Variants in MIA3 observed in about 807,000 individuals in gnomAD.
MIA3 encodes the protein MIA SH3 domain ER export factor 3.
In MIA3, 90 loss-of-function variants were observed where a neutral mutation model predicts 192.4. The ratio of observed to expected loss-of-function variants is 0.47; its 90% CI spans 0.39 to 0.56. The LOEUF (loss-of-function observed/expected upper bound fraction) is 0.56, where lower values mean the gene tolerates loss of function less well. MIA3 is among the 20% of genes least tolerant of loss of function. The pLI is 0.00. For missense variants in MIA3, 2,123 were observed against 2,269.4 expected (o/e 0.94, Z 1.31); for synonymous variants, 740 against 792.8 (o/e 0.93, Z 1.12).
intron 6 of MIA3, chr1:222,644,545 T>C (rs1391405409): frequency 2.6e-6 from 4 of 1,550,616 alleles, no homozygotes; most frequent in Non-Finnish European, 3.5e-6. Flanking sequence ...TGTGGGACCC[T>C]TGTCTGTGCT....
At chr1:222,621,401 C>G in intron 2 of MIA3, 109 bp downstream of exon 2, 1 of 1,087,008 alleles carries the variant, frequency 9.2e-7, no homozygotes, top group Non-Finnish European at 1.3e-6. Context: ...GTTAACTTGT[C>G]CTCTCTGCCT....
Position 222,629,003 on chromosome 1 carries a change from G to A in MIA3, c.1783G>A (p.Val595Met), listed in dbSNP as rs765825012. Residue 595 changes from valine to methionine, a missense_variant, in exon 4 of 28, where the codon GTG becomes ATG. Val to Met is a conservative substitution (Grantham distance 21, BLOSUM62 1). Coordinates refer to ENST00000344922, the MANE Select transcript of MIA3 (RefSeq NM_198551.4). ...CCACCCTAACGCATCCAGAGACAGTGTGGAGGGAGACGCTTTGGTAAATGG... is the reference window on the plus strand; with the variant it reads ...CCACCCTAACGCATCCAGAGACAGTATGGAGGGAGACGCTTTGGTAAATGG... ...DDHPNASRDS[V>M]EGDALVNGAK... 6.2e-7 allele frequency: 1 copy of A among 1,614,212 alleles called. No individual in the cohort carries two copies. The highest frequency in any genetic ancestry group is 1.1e-5 in the South Asian group (1 of 91,084).
intron 15 of MIA3, 143 bp downstream of exon 15, chr1:222,653,482 G>A: frequency 1.6e-6 from 1 of 632,514 alleles, no homozygotes; most frequent in South Asian, 1.9e-5. Context: ...GTTTGCATTG[G>A]GCAGAGGTGG....
At chr1:222,638,620 C>T (rs1662729844) in intron 6 of MIA3, among the ~76,000 whole-genome samples, 2 of 151,900 alleles carry the variant, frequency 1.3e-5, no homozygotes, top group Non-Finnish European at 1.5e-5. Context: ...TTGCTTGAGC[C>T]CAGGAGGTCG....
intron 6 of MIA3, among the ~76,000 whole-genome samples, chr1:222,633,937 G>C (rs1662519246): frequency 6.7e-6 from 1 of 149,018 alleles, no homozygotes; most frequent in South Asian, 2.1e-4. Context: ...TGCAACCTCT[G>C]CCTCCTGGGC....
At chr1:222,652,903 C>A in intron 13 of MIA3, 105 bp from the exon 14 acceptor site, 1 of 1,326,758 alleles carries the variant, frequency 7.5e-7, no homozygotes, top group Non-Finnish European at 1.0e-6. Flanking sequence ...TAGTGATAGG[C>A]CAAGGAGAGG....
chr1:222,621,959 C>T (rs1401792168), intron 2 of MIA3, among the ~76,000 whole-genome samples: 2 of 152,132 alleles, frequency 1.3e-5, no homozygotes, highest in African/African-American at 4.8e-5. Flanking sequence ...CAGGTGCCTG[C>T]CACCACACGG....
At chr1:222,630,510 C>T in intron 4 of MIA3, 121 bp downstream of exon 4, 1 of 931,414 alleles carries the variant, frequency 1.1e-6, no homozygotes, top group Non-Finnish European at 1.6e-6. Context: ...AGGGACAACA[C>T]AGGGAGGTCC....
chr1:222,656,246 A>C (rs969628615), intron 18 of MIA3, among the ~76,000 whole-genome samples: 5 of 152,010 alleles, frequency 3.3e-5, no homozygotes, highest in African/African-American at 1.2e-4. Flanking sequence ...TGCTGGGATT[A>C]CAGGTGTGAG....
Position 222,629,459 on chromosome 1 carries a change from C to G in MIA3, c.2239C>G (p.Pro747Ala). ...TGCAAAACGGTCTAAAGAAAAAAAC[C>G]CTGGGAATCAGGGCAGGCAGTTTGA... ...INAKRSKEKNPGNQGRQFDVN... is the reference protein window; with the variant it reads ...INAKRSKEKNAGNQGRQFDVN... Residue 747 changes from proline to alanine, a missense_variant, in exon 4 of 28, where the codon CCT (proline) becomes GCT (alanine). Around this residue, in one of 3 missense-constraint regions of MIA3, gnomAD observed 1,357 missense variants for 1,396.1 expected, o/e 0.97. Coordinates refer to ENST00000344922, the MANE Select transcript of MIA3 (RefSeq NM_198551.4). The G allele has an allele frequency of 6.2e-7, 1 of 1,614,044 alleles. No homozygotes were observed. Among genetic ancestry groups the G allele is most frequent in the Non-Finnish European group, 8.5e-7 (1 of 1,180,028 alleles).
intron 6 of MIA3, among the ~76,000 whole-genome samples, chr1:222,638,527 A>AACACACACACAC: frequency 6.7e-6 from 1 of 148,914 alleles, no homozygotes; most frequent in South Asian, 2.1e-4. Flanking sequence ...GTTTCTACAA[A>AACACACACACAC]ACACACACAC....
intron 26 of MIA3, 54 bp from the exon 27 acceptor site, chr1:222,663,944 C>A: frequency 6.6e-7 from 1 of 1,516,548 alleles, no homozygotes. Context: ...GGTGTTGGTG[C>A]TTTTGTCTGT....
chr1:222,642,306 T>C (rs1486627594), intron 6 of MIA3, among the ~76,000 whole-genome samples: 1 of 152,088 alleles, frequency 6.6e-6, no homozygotes, highest in African/African-American at 2.4e-5. Flanking sequence ...AGAAAAAAAA[T>C]CCTAACTTTC....
intron 11 of MIA3, among the ~76,000 whole-genome samples, chr1:222,651,441 C>G (rs1663429348): frequency 6.6e-6 from 1 of 151,564 alleles, no homozygotes; most frequent in Admixed American, 6.6e-5. Flanking sequence ...TCGCAGCCCA[C>G]AGTTAAAAAG....
intron 7 of MIA3, chr1:222,647,819 G>A (rs982527294): frequency 2.8e-4 from 90 of 322,198 alleles, no homozygotes; most frequent in African/African-American, 1.8e-3. Flanking sequence ...ACATTAGAGA[G>A]ATAGTAATTT....
In MIA3 at chr1:222,666,148, C is replaced by T. The variant is rs1032781451; in HGVS notation, c.*529C>T. On this transcript the variant is annotated 3_prime_UTR_variant, in exon 28 of 28. Coordinates refer to ENST00000344922, the MANE Select transcript of MIA3 (RefSeq NM_198551.4). ...CATAAAAATTTGTTTATTAATATTT[C>T]CCAAGTGTCTGTTGACTCATTGGAC... The T allele has an allele frequency of 1.3e-5, 2 of 152,180 alleles. No individual in the cohort carries two copies. The highest frequency in any genetic ancestry group is 1.3e-4 in the Admixed American group (2 of 15,274). 9.4% of individuals were successfully genotyped at this position (152,180 alleles called of 1,614,324 possible). A position where few individuals can be genotyped will look rare whatever the true frequency, so the allele number is the denominator to read the frequency against.
chr1:222,651,888 CTTTGTTG>C (rs1663456332), intron 11 of MIA3, 82 bp from the exon 12 acceptor site: 1 of 806,844 alleles, frequency 1.2e-6, no homozygotes, highest in African/African-American at 1.7e-5. Flanking sequence ...CTGGGACATA[CTTTGTTG>C]ATGTTTCTTC....
At chr1:222,655,025 G>A (rs1663641940) in intron 18 of MIA3, among the ~76,000 whole-genome samples, 1 of 152,196 alleles carries the variant, frequency 6.6e-6, no homozygotes, top group South Asian at 2.1e-4. Flanking sequence ...GCAGTGTACT[G>A]GTACTGACGG....
intron 6 of MIA3, among the ~76,000 whole-genome samples, chr1:222,635,557 A>G (rs1223874486): frequency 6.6e-6 from 1 of 152,228 alleles, no homozygotes; most frequent in Admixed American, 6.5e-5. Context: ...AAAGTCTTCA[A>G]AAAAAGTTTA....
Sources: gnomAD v4.1 joint callset for allele counts (sites outside exome capture counted in the v4.1 genomes callset) on GRCh38, gnomAD v4.1.1 for gene constraint, gnomAD v4.1.1 regional missense constraint, MANE v1.5 for transcripts, NCBI Gene and HGNC (gene_info 2026-07-23, HGNC 2026-07-21) for gene names.